GALNT6: variants seen among roughly 807,000 people sequenced by gnomAD.
GALNT6 encodes polypeptide N-acetylgalactosaminyltransferase 6, also known as GalNAc transferase 6.
Under a neutral mutation model 65.9 loss-of-function variants are expected in GALNT6, and 51 were observed. The observed-to-expected ratio is 0.77, with a 90% CI of 0.62 to 0.98. The LOEUF (loss-of-function observed/expected upper bound fraction) is 0.98. Ranked by LOEUF, GALNT6 falls within the 50% of genes least tolerant of loss-of-function variation. GALNT6 has a pLI of 0.00. For missense variants in GALNT6, 708 were observed against 803.3 expected (o/e 0.88, Z 1.43); for synonymous variants, 323 against 315.1 (o/e 1.02, Z -0.26).
intron 4 of GALNT6, among the ~76,000 whole-genome samples, chr12:51,367,192 G>T (rs10783434): frequency 6.6e-6 from 1 of 151,944 alleles, no homozygotes; most frequent in Non-Finnish European, 1.5e-5. Flanking sequence ...GGGAGGCAGA[G>T]GTTGCAGTGA....
chr12:51,365,527 C>T lies in GALNT6; in HGVS notation c.717G>A (p.Arg239=), dbSNP rs770856896. ...CCTTCCGCTCCTCCTGCCGCACCAC[C>T]CTCACCACCTGCAGCTGCTTCACGT... The part of the protein sequence containing the change: ...EQYVKQLQVV[R]VVRQEERKGL... The change falls in exon 5 of 12, where the codon AGG becomes AGA. Residue 239 remains arginine (R), a synonymous_variant. Coordinates refer to ENST00000356317, the MANE Select transcript of GALNT6 (RefSeq NM_007210.4). 6.2e-7 allele frequency: 1 copy of T among 1,613,202 alleles called. No homozygotes were observed. Among genetic ancestry groups the T allele is most frequent in the Non-Finnish European group, 8.5e-7 (1 of 1,180,008 alleles).
intron 2 of GALNT6, among the ~76,000 whole-genome samples, chr12:51,390,265 C>T (rs1355616690): frequency 6.9e-6 from 1 of 144,184 alleles, no homozygotes; most frequent in Non-Finnish European, 1.5e-5. Context: ...CAGGTTCAAA[C>T]AATTCTCCTG....
intron 2 of GALNT6, among the ~76,000 whole-genome samples, chr12:51,384,238 C>G (rs944043353): frequency 6.6e-6 from 1 of 152,210 alleles, no homozygotes; most frequent in African/African-American, 2.4e-5. Context: ...ATTTGCTTCC[C>G]TGGCCCCACC....
At chr12:51,354,629 T>C (rs550977637) in intron 11 of GALNT6, 137 bp from the exon 12 acceptor site, 165 of 603,304 alleles carry the variant, frequency 2.7e-4, no homozygotes, top group South Asian at 6.7e-4. Context: ...CCCCATTCCT[T>C]TCCTGCCCTC....
At chr12:51,368,803 G>A (rs1016420888) in intron 4 of GALNT6, among the ~76,000 whole-genome samples, 3 of 152,160 alleles carry the variant, frequency 2.0e-5, no homozygotes, top group African/African-American at 7.2e-5. Flanking sequence ...ATCTGAGGAG[G>A]GGGCTGTATC....
intron 7 of GALNT6, chr12:51,359,853 G>T (rs940817742): frequency 6.6e-6 from 1 of 152,384 alleles, no homozygotes; most frequent in South Asian, 2.1e-4. Flanking sequence ...GGATTGGGCC[G>T]CTGGGAGTTG....
At chr12:51,390,356 G>A (rs1371200286) in intron 2 of GALNT6, among the ~76,000 whole-genome samples, 1 of 151,888 alleles carries the variant, frequency 6.6e-6, no homozygotes, top group Non-Finnish European at 1.5e-5. Context: ...TGGAGATGGG[G>A]TTTTGCCATG....
chr12:51,355,418 GGAAGAAAAT>G (rs1386013479), intron 11 of GALNT6, among the ~76,000 whole-genome samples: 2 of 152,058 alleles, frequency 1.3e-5, no homozygotes, highest in African/African-American at 4.8e-5. Context: ...TGGCGTCTCA[GGAAGAAAAT>G]GAAGAAAATA....
intron 2 of GALNT6, among the ~76,000 whole-genome samples, chr12:51,385,076 C>A (rs532091232): frequency 4.9e-4 from 74 of 152,154 alleles, no homozygotes; most frequent in African/African-American, 1.7e-3. Context: ...GCAGCCTTGA[C>A]CTCCTGGGCT....
intron 5 of GALNT6, 27 bp downstream of exon 5, chr12:51,365,399 GTTAC>G (rs768460385): frequency 6.3e-7 from 1 of 1,588,718 alleles, no homozygotes; most frequent in Non-Finnish European, 8.6e-7. Context: ...GAGCCTCCAG[GTTAC>G]ACCCAGGCCG....
chr12:51,376,209 G>A (rs1555179809), intron 4 of GALNT6, among the ~76,000 whole-genome samples: 1 of 152,120 alleles, frequency 6.6e-6, no homozygotes, highest in Non-Finnish European at 1.5e-5. Context: ...GAGGCCAAAT[G>A]CTTGTCCAAG....
At position 51,352,971 on chromosome 12, in the gene GALNT6, C is replaced by T. The variant is rs867845705; in HGVS notation, c.*1408G>A. ...ACAGGCATGAGCCACCGTGCCCGGCCCTGGCTGTTTTCCTATGCTCTGTGG... is the reference window on the plus strand; with the variant it reads ...ACAGGCATGAGCCACCGTGCCCGGCTCTGGCTGTTTTCCTATGCTCTGTGG... On this transcript the variant is annotated 3_prime_UTR_variant, in exon 12 of 12. Coordinates refer to ENST00000356317, the MANE Select transcript of GALNT6 (RefSeq NM_007210.4). 2 of 152,260 alleles carry T rather than the reference C, an allele frequency of 1.3e-5. No individual in the cohort carries two copies. The highest frequency in any genetic ancestry group is 2.4e-5 in the African/African-American group (1 of 41,440). The allele number at this position is 152,260 out of a possible 1,614,324, so 9.4% of individuals were successfully genotyped here. A position where few individuals can be genotyped will look rare whatever the true frequency, so the allele number is the denominator to read the frequency against.
chr12:51,379,392 GGTCTCC>G lies in GALNT6; in HGVS notation c.384_389del (p.Glu129_Thr130del). ...TCTTATAGCCTTCTTCCTTTTCCTG[GGTCTCC>G]AGGGGGGTCCACTTGCTCTTCTGAA... On this transcript the variant is annotated inframe_deletion, in exon 3 of 12. Coordinates refer to ENST00000356317, the MANE Select transcript of GALNT6 (RefSeq NM_007210.4). The G allele has an allele frequency of 6.3e-7, 1 of 1,591,860 alleles. No individual in the cohort carries two copies.
intron 2 of GALNT6, among the ~76,000 whole-genome samples, chr12:51,380,545 T>G (rs2137757697): frequency 6.6e-6 from 1 of 152,332 alleles, no homozygotes; most frequent in South Asian, 2.1e-4. Flanking sequence ...CAATATCTTG[T>G]TCTTGAATAC....
At chr12:51,377,005 C>T (rs528991328) in intron 4 of GALNT6, among the ~76,000 whole-genome samples, 190 bp downstream of exon 4, 2 of 152,314 alleles carry the variant, frequency 1.3e-5, no homozygotes, top group South Asian at 4.1e-4. Flanking sequence ...AGCTCTTTGG[C>T]TGAGGTGTGA....
chr12:51,354,594 C>T, intron 11 of GALNT6, 102 bp from the exon 12 acceptor site: 1 of 683,006 alleles, frequency 1.5e-6, no homozygotes, highest in Non-Finnish European at 2.5e-6. Flanking sequence ...CCAAGGGAAC[C>T]CCACAAGGCA....
chr12:51,386,585 C>T (rs1947848393), intron 2 of GALNT6, among the ~76,000 whole-genome samples: 1 of 152,160 alleles, frequency 6.6e-6, no homozygotes. Flanking sequence ...CAGCAGGAAG[C>T]AAGCAGTCCT....
chr12:51,354,688 C>T (rs148335061), intron 11 of GALNT6, among the ~76,000 whole-genome samples, 196 bp from the exon 12 acceptor site: 1 of 152,278 alleles, frequency 6.6e-6, no homozygotes, highest in African/African-American at 2.4e-5. Context: ...GCCAAATCCC[C>T]ATCCCTAGCT....
intron 4 of GALNT6, among the ~76,000 whole-genome samples, chr12:51,371,142 G>C (rs1947283449): frequency 6.6e-6 from 1 of 151,434 alleles, no homozygotes; most frequent in African/African-American, 2.4e-5. Context: ...GGAGTGCAAT[G>C]GTGTGATCTC....
Sources: allele counts gnomAD v4.1 joint callset (sites outside exome capture counted in the v4.1 genomes callset), GRCh38; gene constraint gnomAD v4.1.1; transcripts MANE v1.5; gene names NCBI Gene and HGNC (gene_info 2026-07-23, HGNC 2026-07-21).